The following NAA16 variants were observed in gnomAD, a reference collection of about 807,000 sequenced individuals.
The protein encoded by NAA16 is NARG1-like protein.
In NAA16, 97 loss-of-function variants were observed where a neutral mutation model predicts 110.3. The ratio of observed to expected loss-of-function variants is 0.88; its 90% confidence interval spans 0.75 to 1.04. NAA16 has a LOEUF of 1.04. Among genes scored for constraint, NAA16 ranks in the 50% least tolerant of loss-of-function variants. The probability of loss-of-function intolerance (pLI) is 0.00; values close to 1 mark genes in which losing one functional copy is unlikely to be tolerated. For synonymous variants in NAA16, 372 were observed against 330.6 expected, an observed-to-expected ratio of 1.13 and a Z score of -1.36; for missense variants, 1,017 against 1,005.1, an observed-to-expected ratio of 1.01 and a Z score of -0.16.
At chr13:41,348,109 T>A (rs7990915) in intron 9 of NAA16, among the ~76,000 whole-genome samples, 49,587 of 151,744 alleles carry the variant, frequency 0.33, 11,525 homozygotes, top group African/African-American at 0.65. Context: ...GGTTTTTTTT[T>A]AAAAAAAATC....
At chr13:41,320,547 C>T in intron 3 of NAA16, 120 bp from the exon 4 acceptor site, 2 of 962,920 alleles carry the variant, frequency 2.1e-6, no homozygotes, top group Non-Finnish European at 2.9e-6. Context: ...CCCCCAGACT[C>T]CAGATCATTC....
intron 8 of NAA16, among the ~76,000 whole-genome samples, chr13:41,334,547 A>G (rs2042326639): frequency 6.6e-6 from 1 of 152,236 alleles, no homozygotes; most frequent in Non-Finnish European, 1.5e-5. Flanking sequence ...TTTTGGGGAC[A>G]TCATGCTAAT....
chr13:41,320,120 T>C (rs1810794216), intron 3 of NAA16, among the ~76,000 whole-genome samples: 1 of 152,336 alleles, frequency 6.6e-6, no homozygotes, highest in African/African-American at 2.4e-5. Flanking sequence ...GGCTCCAAGA[T>C]ATGCTAATAC....
intron 13 of NAA16, chr13:41,362,446 G>A (rs2043132116): frequency 2.9e-6 from 1 of 339,542 alleles, no homozygotes; most frequent in South Asian, 2.8e-5. Context: ...TCCCTAATTA[G>A]GCCATTATTT....
At chr13:41,352,741 T>G (rs910797234) in intron 9 of NAA16, among the ~76,000 whole-genome samples, 2 of 152,236 alleles carry the variant, frequency 1.3e-5, no homozygotes, top group Non-Finnish European at 2.9e-5. Flanking sequence ...TGTTGTTTTT[T>G]TAAATGTAGG....
At chr13:41,354,851 A>G (rs991833256) in intron 9 of NAA16, among the ~76,000 whole-genome samples, 9 of 148,036 alleles carry the variant, frequency 6.1e-5, no homozygotes, top group Admixed American at 2.0e-4. Flanking sequence ...GAAAATCTGA[A>G]TATTTATATA....
chr13:41,350,088 A>G (rs1421636736), intron 9 of NAA16, among the ~76,000 whole-genome samples: 1 of 151,848 alleles, frequency 6.6e-6, no homozygotes, highest in African/African-American at 2.4e-5. Flanking sequence ...TGGGCAATGT[A>G]GTGAGGCAGT....
chr13:41,341,567 A>C (rs928060771), intron 9 of NAA16, among the ~76,000 whole-genome samples: 1 of 151,874 alleles, frequency 6.6e-6, no homozygotes, highest in African/African-American at 2.4e-5. Flanking sequence ...AATGAAGACA[A>C]TTAGTTGGTC....
intron 7 of NAA16, among the ~76,000 whole-genome samples, 156 bp from the exon 8 acceptor site, chr13:41,331,118 C>T (rs946117209): frequency 6.6e-6 from 1 of 151,990 alleles, no homozygotes; most frequent in Non-Finnish European, 1.5e-5. Flanking sequence ...TATTTTGCCA[C>T]CACAGAGTTT....
chr13:41,376,290 A>G lies in NAA16; in HGVS notation c.*688A>G, dbSNP rs1186202367. 1 of 152,206 alleles carries G rather than the reference A, an allele frequency of 6.6e-6. No individual in the cohort carries two copies. The highest frequency in any genetic ancestry group is 1.9e-4 in the East Asian group (1 of 5,194). 9.4% of individuals were successfully genotyped at this position (152,206 alleles called of 1,614,324 possible). On this transcript the variant is annotated 3_prime_UTR_variant, in exon 20 of 20. Transcript: ENST00000379406. ...GGCAACAGAGCAAGACTCCATCTCGAAAAAAAGGAATTCCTCTTGGCAGAT... is the reference window on the plus strand; with the variant it reads ...GGCAACAGAGCAAGACTCCATCTCGGAAAAAAGGAATTCCTCTTGGCAGAT...
rs1255835295 is a variant in NAA16, at chr13:41,311,328, T to G, written c.-201T>G. On this transcript the variant is annotated 5_prime_UTR_variant, in exon 1 of 20. Transcript: ENST00000379406. ...AAAAGCGGAGCCCAGGGGAAGCGTG[T>G]CCTGCTCAGACCGCCTTCCTTCTCC... 10 of 588,846 alleles carry G rather than the reference T, an allele frequency of 1.7e-5. No homozygotes were observed. The East Asian group carries it at 3.1e-4, about 18-fold the overall frequency. The allele number at this position is 588,846 out of a possible 1,614,324, so 36.5% of individuals were successfully genotyped here. A position where few individuals can be genotyped will look rare whatever the true frequency, so the allele number is the denominator to read the frequency against.
intron 8 of NAA16, among the ~76,000 whole-genome samples, chr13:41,333,504 A>C (rs1378597198): frequency 6.6e-6 from 1 of 152,132 alleles, no homozygotes; most frequent in Non-Finnish European, 1.5e-5. Context: ...GGACATTTGA[A>C]ATAAATGGAA....
chr13:41,311,715 G>A (rs1008492019), intron 1 of NAA16, 133 bp downstream of exon 1: 12 of 780,138 alleles, frequency 1.5e-5, no homozygotes, highest in East Asian at 6.1e-5. Flanking sequence ...TACCTCGGAG[G>A]TCGCGGGACC....
chr13:41,341,379 T>C (rs2042542150), intron 9 of NAA16, among the ~76,000 whole-genome samples: 1 of 152,200 alleles, frequency 6.6e-6, no homozygotes, highest in South Asian at 2.1e-4. Flanking sequence ...CTTTAAATGT[T>C]CTGGTAATAT....
At chr13:41,362,912 T>C in intron 13 of NAA16, 5 of 1,119,296 alleles carry the variant, frequency 4.5e-6, no homozygotes, top group South Asian at 2.0e-5. Flanking sequence ...CACTTTGGCC[T>C]TTTTCCCACG....
At chr13:41,333,668 G>C (rs1180091198) in intron 8 of NAA16, among the ~76,000 whole-genome samples, 1 of 151,958 alleles carries the variant, frequency 6.6e-6, no homozygotes, top group African/African-American at 2.4e-5. Flanking sequence ...AAGAAACCTC[G>C]CTTAGCTTTA....
chr13:41,364,604 A>G (rs936636594), intron 13 of NAA16, among the ~76,000 whole-genome samples: 2 of 151,992 alleles, frequency 1.3e-5, no homozygotes, highest in Non-Finnish European at 2.9e-5. Context: ...TTACTATTAG[A>G]CTGCTGGTGA....
chr13:41,374,458 C>T (rs907310882), intron 18 of NAA16: 3 of 219,762 alleles, frequency 1.4e-5, no homozygotes, highest in Non-Finnish European at 2.7e-5. Context: ...AGTCACTGTC[C>T]ATCTGATAAA....
chr13:41,374,896 CTT>C, intron 19 of NAA16, 57 bp downstream of exon 19: 1 of 1,038,114 alleles, frequency 9.6e-7, no homozygotes, highest in Non-Finnish European at 1.5e-6. Context: ...CAAAACGTGT[CTT>C]TACAGCATAA....
Sources: gnomAD v4.1 joint callset for allele counts (sites outside exome capture counted in the v4.1 genomes callset) on GRCh38, gnomAD v4.1.1 for gene constraint, MANE v1.5 for transcripts, NCBI Gene and HGNC (gene_info 2026-07-23, HGNC 2026-07-21) for gene names.